GRID2: variants seen among roughly 807,000 people sequenced by gnomAD.
GRID2 encodes the protein glutamate receptor ionotropic, delta-2.
In GRID2, 33 loss-of-function variants were observed where a neutral mutation model predicts 114.8. The ratio of observed to expected loss-of-function variants is 0.29; its 90% confidence interval spans 0.22 to 0.38. The LOEUF (loss-of-function observed/expected upper bound fraction) is 0.38. GRID2 is among the 10% of genes least tolerant of loss of function. GRID2 has a pLI of 1.00. For missense variants in GRID2, 1,184 were observed against 1,257.7 expected (o/e 0.94, Z 0.89); for synonymous variants, 505 against 449.9 (o/e 1.12, Z -1.55).
At chr4:92,763,801 G>T (rs368272071) in intron 2 of GRID2, among the ~76,000 whole-genome samples, 1 of 152,100 alleles carries the variant, frequency 6.6e-6, no homozygotes, top group African/African-American at 2.4e-5. Flanking sequence ...AGTAGATGAG[G>T]CTAAATCACA....
intron 2 of GRID2, among the ~76,000 whole-genome samples, chr4:92,628,131 T>C (rs1274871567): frequency 1.3e-5 from 2 of 152,134 alleles, no homozygotes; most frequent in Non-Finnish European, 2.9e-5. Flanking sequence ...TTATTAATAA[T>C]GCCTATGTTT....
intron 1 of GRID2, among the ~76,000 whole-genome samples, chr4:92,488,733 AATC>A (rs1723009562): frequency 6.6e-6 from 1 of 152,126 alleles, no homozygotes; most frequent in African/African-American, 2.4e-5. Flanking sequence ...AGAAGTGAGA[AATC>A]ATCTGGGGCT....
At chr4:92,908,561 CAAAAA>C (rs762037449) in intron 2 of GRID2, among the ~76,000 whole-genome samples, 2 of 35,996 alleles carry the variant, frequency 5.6e-5, no homozygotes, top group Non-Finnish European at 1.3e-4. Context: ...GACTCCATCT[CAAAAA>C]AAAAAAAAAA....
At chr4:93,584,205 A>G (rs1257150485) in intron 13 of GRID2, among the ~76,000 whole-genome samples, 1 of 152,210 alleles carries the variant, frequency 6.6e-6, no homozygotes, top group East Asian at 1.9e-4. Flanking sequence ...TAGAAGGGCT[A>G]TCCCTCTAAA....
chr4:93,096,466 A>G (rs1004800382), intron 3 of GRID2, among the ~76,000 whole-genome samples: 2 of 152,156 alleles, frequency 1.3e-5, no homozygotes, highest in Non-Finnish European at 2.9e-5. Flanking sequence ...TGAAATATGT[A>G]AAGTGTTCAA....
intron 3 of GRID2, among the ~76,000 whole-genome samples, chr4:93,093,933 A>G (rs1260918161): frequency 1.3e-5 from 2 of 152,094 alleles, no homozygotes; most frequent in East Asian, 1.9e-4. Flanking sequence ...ATCAAGTTCA[A>G]CCAAGCAAAT....
intron 14 of GRID2, among the ~76,000 whole-genome samples, chr4:93,701,340 C>G (rs114803605): frequency 0.042 from 6,402 of 152,160 alleles, 216 homozygotes; most frequent in African/African-American, 0.084. Flanking sequence ...TTGAAAACTT[C>G]AAAATCAGTT....
chr4:93,748,614 A>C (rs909417825), intron 14 of GRID2, among the ~76,000 whole-genome samples: 2 of 152,186 alleles, frequency 1.3e-5, no homozygotes, highest in African/African-American at 2.4e-5. Flanking sequence ...CCAAGATTTT[A>C]CTTAAAGGCA....
At chr4:93,613,808 G>C (rs1741258008) in intron 13 of GRID2, among the ~76,000 whole-genome samples, 1 of 151,862 alleles carries the variant, frequency 6.6e-6, no homozygotes, top group Admixed American at 6.6e-5. Flanking sequence ...TACAGAGGCA[G>C]GCAGGCCTCC....
intron 13 of GRID2, among the ~76,000 whole-genome samples, chr4:93,578,832 A>G (rs972224498): frequency 3.9e-5 from 6 of 152,072 alleles, no homozygotes; most frequent in Admixed American, 3.9e-4. Flanking sequence ...TGACCTCGTG[A>G]TCTGCCCGCC....
At chr4:92,393,554 T>C (rs559423991) in intron 1 of GRID2, among the ~76,000 whole-genome samples, 50 of 152,312 alleles carry the variant, frequency 3.3e-4, no homozygotes, top group African/African-American at 1.1e-3. Context: ...GGCATACAGT[T>C]AATTATGTAA....
chr4:93,726,915 A>G (rs1729961000), intron 14 of GRID2, among the ~76,000 whole-genome samples: 1 of 152,222 alleles, frequency 6.6e-6, no homozygotes, highest in South Asian at 2.1e-4. Flanking sequence ...TAGATATACA[A>G]TCATGTCATC....
chr4:92,930,034 C>T (rs1028004824), intron 2 of GRID2, among the ~76,000 whole-genome samples: 2 of 151,218 alleles, frequency 1.3e-5, no homozygotes, highest in Non-Finnish European at 1.5e-5. Flanking sequence ...TCCATCTTGG[C>T]CTTGCCCACC....
intron 10 of GRID2, among the ~76,000 whole-genome samples, chr4:93,448,869 TCCCCTTCCCTTC>T (rs1722383125): frequency 1.1e-4 from 2 of 17,406 alleles, no homozygotes; most frequent in African/African-American, 6.1e-4. Context: ...CCCCTTCCCT[TCCCCTTCCCTTC>T]CCCTTCCCTT....
chr4:92,755,139 G>T (rs770263117), intron 2 of GRID2, among the ~76,000 whole-genome samples: 1 of 152,264 alleles, frequency 6.6e-6, no homozygotes, highest in East Asian at 1.9e-4. Context: ...GGGTCTACAC[G>T]TCAAATATGG....
intron 2 of GRID2, among the ~76,000 whole-genome samples, chr4:92,802,683 G>T (rs959103015): frequency 1.3e-5 from 2 of 151,724 alleles, no homozygotes; most frequent in Non-Finnish European, 2.9e-5. Context: ...TCTATTTGTG[G>T]GCTCCCTATT....
In GRID2 at chr4:93,271,809, A is replaced by G. The variant is rs1046128103; in HGVS notation, c.1245+33319A>G. Among the ~76,000 whole-genome samples the G allele has an allele frequency of 1.1e-4, 16 of 147,734 alleles. 1 individual carries two copies. The highest frequency in any genetic ancestry group is 2.6e-5 in the African/African-American group (1 of 38,048). On this transcript the variant is annotated intron_variant, in intron 8 of 15. Coordinates refer to ENST00000282020, the MANE Select transcript of GRID2 (RefSeq NM_001510.4). ...TTTATGAATGTTGCTTATGCAATCT[A>G]ACATTAACAAAGCTAAAAGTCAAGA...
chr4:93,590,968 G>A (rs993811079), intron 13 of GRID2, among the ~76,000 whole-genome samples: 32 of 151,592 alleles, frequency 2.1e-4, no homozygotes, highest in Admixed American at 1.2e-3. Context: ...GAGACGATGG[G>A]GTTTTCTAGA....
At chr4:93,373,821 T>A (rs992688140) in intron 8 of GRID2, among the ~76,000 whole-genome samples, 3 of 152,178 alleles carry the variant, frequency 2.0e-5, no homozygotes, top group Non-Finnish European at 4.4e-5. Context: ...TGTTTCTAGT[T>A]CCAATGAGAA....
Sources: allele counts gnomAD v4.1 joint callset (sites outside exome capture counted in the v4.1 genomes callset), GRCh38; gene constraint gnomAD v4.1.1; transcripts MANE v1.5; gene names NCBI Gene and HGNC (gene_info 2026-07-23, HGNC 2026-07-21).